The following NTM variants were observed in gnomAD, a reference collection of about 807,000 sequenced individuals.
The protein encoded by NTM is IgLON family member 2.
In NTM, 13 loss-of-function variants were observed where a neutral mutation model predicts 42.1. The observed-to-expected ratio is 0.31, with a 90% CI of 0.20 to 0.49. The LOEUF is 0.49. Ranked by LOEUF, NTM falls within the 20% of genes least tolerant of loss-of-function variation. The pLI is 0.99. For missense variants in NTM, 373 were observed against 452.8 expected (o/e 0.82, Z 1.60); for synonymous variants, 187 against 179.2 (o/e 1.04, Z -0.35).
intron 2 of NTM, among the ~76,000 whole-genome samples, chr11:132,123,566 C>A (rs2065181054): frequency 6.6e-6 from 1 of 152,186 alleles, no homozygotes; most frequent in South Asian, 2.1e-4. Context: ...TATGGCCGTT[C>A]TGTTTTCGGC....
chr11:131,393,788 G>A (rs907890728), intron 1 of NTM, among the ~76,000 whole-genome samples: 1 of 152,236 alleles, frequency 6.6e-6, no homozygotes, highest in Non-Finnish European at 1.5e-5. Flanking sequence ...TCCCTGTGAA[G>A]CACTTGAGGA....
At chr11:132,281,406 C>T (rs777748456) in intron 4 of NTM, among the ~76,000 whole-genome samples, 10 of 152,120 alleles carry the variant, frequency 6.6e-5, no homozygotes, top group Middle Eastern at 3.2e-3. Flanking sequence ...AGTGTGCCTC[C>T]GAAAGAGTTC....
At chr11:132,175,412 A>C (rs2076659789) in intron 3 of NTM, among the ~76,000 whole-genome samples, 1 of 152,138 alleles carries the variant, frequency 6.6e-6, no homozygotes, top group Non-Finnish European at 1.5e-5. Flanking sequence ...AAACCCAAAC[A>C]AGTTTGTGTA....
chr11:132,230,533 G>C (rs2087303951), intron 4 of NTM, among the ~76,000 whole-genome samples: 1 of 152,102 alleles, frequency 6.6e-6, no homozygotes. Flanking sequence ...CTTAATCAGG[G>C]GCATAACGAT....
At chr11:132,328,121 C>G (rs2095721584) in intron 7 of NTM, among the ~76,000 whole-genome samples, 1 of 152,152 alleles carries the variant, frequency 6.6e-6, no homozygotes, top group Admixed American at 6.5e-5. Flanking sequence ...AGAAGCATGT[C>G]AAGCATGGCA....
At chr11:132,274,373 T>C (rs2093626940) in intron 4 of NTM, among the ~76,000 whole-genome samples, 1 of 152,084 alleles carries the variant, frequency 6.6e-6, no homozygotes, top group Non-Finnish European at 1.5e-5. Context: ...TTCCTCTAAG[T>C]ATTGCTTTGC....
intron 2 of NTM, among the ~76,000 whole-genome samples, chr11:132,034,341 G>A (rs2076260533): frequency 1.3e-5 from 2 of 152,170 alleles, no homozygotes; most frequent in African/African-American, 4.8e-5. Flanking sequence ...GTCCTGGATT[G>A]CCTCACCACG....
intron 1 of NTM, among the ~76,000 whole-genome samples, chr11:131,720,817 T>C (rs2078243266): frequency 6.6e-6 from 1 of 152,204 alleles, no homozygotes; most frequent in South Asian, 2.1e-4. Context: ...TTGGGTAAAT[T>C]ACCTAGCCTC....
At chr11:131,663,215 C>T (rs917069553) in intron 1 of NTM, 4 of 152,236 alleles carry the variant, frequency 2.6e-5, no homozygotes, top group Non-Finnish European at 4.4e-5. Context: ...AGACATTTTT[C>T]AGAACCAGAT....
intron 1 of NTM, among the ~76,000 whole-genome samples, chr11:131,768,858 T>C (rs2085571751): frequency 6.6e-6 from 1 of 152,214 alleles, no homozygotes; most frequent in Non-Finnish European, 1.5e-5. Flanking sequence ...AATCCGTGGG[T>C]CCAGAGTCCA....
chr11:131,598,406 T>C (rs1565684343), intron 1 of NTM, among the ~76,000 whole-genome samples: 1 of 152,222 alleles, frequency 6.6e-6, no homozygotes, highest in Non-Finnish European at 1.5e-5. Flanking sequence ...TACTACACGC[T>C]TGTCTTTCTA....
intron 2 of NTM, among the ~76,000 whole-genome samples, chr11:132,000,931 A>G (rs1236378730): frequency 1.3e-5 from 2 of 152,228 alleles, no homozygotes; most frequent in Non-Finnish European, 1.5e-5. Context: ...GGAAAGAATA[A>G]GGAAAGGGCA....
chr11:132,263,128 C>T (rs1410435654), intron 4 of NTM, among the ~76,000 whole-genome samples: 1 of 152,210 alleles, frequency 6.6e-6, no homozygotes, highest in Non-Finnish European at 1.5e-5. Flanking sequence ...GCCTTCCAGA[C>T]CCAGTGGGGT....
At chr11:131,615,718 C>G (rs889145281) in intron 1 of NTM, among the ~76,000 whole-genome samples, 1 of 152,168 alleles carries the variant, frequency 6.6e-6, no homozygotes, top group African/African-American at 2.4e-5. Flanking sequence ...ATGGGATGTT[C>G]AGGACATGGC....
At chr11:132,082,830 C>G (rs1405513976) in intron 2 of NTM, among the ~76,000 whole-genome samples, 1 of 152,144 alleles carries the variant, frequency 6.6e-6, no homozygotes, top group East Asian at 1.9e-4. Context: ...GTTTGATAGC[C>G]TGAAGCCAAG....
At chr11:131,434,452 G>T (rs1199779550) in intron 1 of NTM, among the ~76,000 whole-genome samples, 1 of 152,168 alleles carries the variant, frequency 6.6e-6, no homozygotes, top group African/African-American at 2.4e-5. Context: ...AGCATCTGTT[G>T]TTTCCTGACT....
chr11:131,893,697 G>A (rs2051752796), intron 1 of NTM, among the ~76,000 whole-genome samples: 1 of 152,296 alleles, frequency 6.6e-6, no homozygotes, highest in African/African-American at 2.4e-5. Context: ...GCCCCTTACA[G>A]CAGATGCTTA....
At chr11:131,382,027 C>A (rs1255062724) in intron 1 of NTM, among the ~76,000 whole-genome samples, 2 of 152,206 alleles carry the variant, frequency 1.3e-5, no homozygotes, top group African/African-American at 4.8e-5. Flanking sequence ...TCCTCAATAT[C>A]AATTCTATCC....
At chr11:131,544,490 C>G (rs1235741045) in intron 1 of NTM, among the ~76,000 whole-genome samples, 3 of 152,094 alleles carry the variant, frequency 2.0e-5, no homozygotes, top group Non-Finnish European at 4.4e-5. Context: ...TTTGGCTAAG[C>G]CTTTACTCAT....
Sources: gnomAD v4.1 joint callset for allele counts (sites outside exome capture counted in the v4.1 genomes callset) on GRCh38, gnomAD v4.1.1 for gene constraint, MANE v1.5 for transcripts, NCBI Gene and HGNC (gene_info 2026-07-23, HGNC 2026-07-21) for gene names.